PFKP: variants seen among roughly 807,000 people sequenced by gnomAD.
PFKP encodes ATP-dependent 6-phosphofructokinase, platelet type.
In PFKP, 101 loss-of-function variants were observed where a neutral mutation model predicts 94.3. That is an observed-to-expected ratio of 1.07 (90% confidence interval 0.91 to 1.26). PFKP has a LOEUF of 1.26. Among genes scored for constraint, PFKP ranks in the 50% most tolerant of loss-of-function variants. PFKP has a pLI of 0.00. For missense variants in PFKP, 1,145 were observed against 1,103.3 expected, an observed-to-expected ratio of 1.04 and a Z score of -0.53; for synonymous variants, 573 against 432.6, an observed-to-expected ratio of 1.32 and a Z score of -4.03.
At chr10:3,077,934 A>AT (rs1208968471) in intron 1 of PFKP, among the ~76,000 whole-genome samples, 4 of 152,150 alleles carry the variant, frequency 2.6e-5, no homozygotes, top group African/African-American at 9.7e-5. Flanking sequence ...GAAAACTGGG[A>AT]TTTTTGCAAA....
At position 3,101,381 on chromosome 10, in the gene PFKP, G is replaced by T; in HGVS notation, c.281G>T (p.Gly94Val). Residue 94 changes from glycine to valine, a missense_variant, in exon 4 of 22, where the codon GGC (glycine) becomes GTC (valine). Transcript: ENST00000381125. ...SILQVGGTIIGSARCQAFRTR... is the reference protein window; with the variant it reads ...SILQVGGTIIVSARCQAFRTR... ...CTTTCCCAGGGCGGGACGATCATTGGCAGTGCGCGGTGCCAGGCCTTCCGC... is the reference window on the plus strand; with the variant it reads ...CTTTCCCAGGGCGGGACGATCATTGTCAGTGCGCGGTGCCAGGCCTTCCGC... The T allele has an allele frequency of 6.3e-7, 1 of 1,592,228 alleles. No homozygotes were observed. The highest frequency in any genetic ancestry group is 8.6e-7 in the Non-Finnish European group (1 of 1,169,578).
Position 3,113,427 on chromosome 10 carries a change from C to G in PFKP, c.1280C>G (p.Ala427Gly). 6.2e-7 allele frequency: 1 copy of G among 1,606,682 alleles called. No individual in the cohort carries two copies. The highest frequency in any genetic ancestry group is 8.5e-7 in the Non-Finnish European group (1 of 1,175,782). The change falls in exon 13 of 22, where the codon GCA becomes GGA. Residue 427 changes from alanine (A) to glycine (G), a missense_variant. Transcript: ENST00000381125. ...GGGGCACCCGCGGCTGGGATGAACG[C>G]AGCCGTACGCTCAGCTGTGCGCGTG... Reference protein sequence around the residue: ...NVGAPAAGMNAAVRSAVRVGI... With the variant: ...NVGAPAAGMNGAVRSAVRVGI...
At chr10:3,132,592 G>A (rs1371734303) in intron 18 of PFKP, 151 bp downstream of exon 18, 9 of 612,584 alleles carry the variant, frequency 1.5e-5, no homozygotes, top group Non-Finnish European at 2.1e-5. Flanking sequence ...CAGCTGTGGT[G>A]CATTGCTCTA....
intron 14 of PFKP, among the ~76,000 whole-genome samples, chr10:3,118,571 A>G (rs1397421841): frequency 6.6e-6 from 1 of 152,116 alleles, no homozygotes. Flanking sequence ...GCTTTATTCC[A>G]TTTTCTCATG....
chr10:3,122,761 TG>T (rs939354351), intron 16 of PFKP, among the ~76,000 whole-genome samples: 126 of 152,296 alleles, frequency 8.3e-4, no homozygotes, highest in African/African-American at 3.0e-3. Context: ...TGGCTTCTAT[TG>T]TTCAGAAAAT....
intron 2 of PFKP, among the ~76,000 whole-genome samples, chr10:3,096,441 G>A (rs1466501678): frequency 1.3e-5 from 2 of 152,216 alleles, no homozygotes; most frequent in African/African-American, 2.4e-5. Context: ...TGTAGGAACT[G>A]TCTGTTTCAG....
chr10:3,101,728 C>T (rs956874643), intron 4 of PFKP, among the ~76,000 whole-genome samples, 174 bp downstream of exon 4: 1 of 152,208 alleles, frequency 6.6e-6, no homozygotes, highest in African/African-American at 2.4e-5. Context: ...CGTAAGAATG[C>T]TAGTAATTTA....
In PFKP at chr10:3,103,890, C is replaced by G; in HGVS notation, c.566C>G (p.Ser189Cys). Reference sequence around the variant, plus strand: ...ACCGACATGACCATCGGCACGGACTCCGCCCTGCACAGGATCATCGAGGTC... The same window carrying G: ...ACCGACATGACCATCGGCACGGACTGCGCCCTGCACAGGATCATCGAGGTC... ...CGTDMTIGTDSALHRIIEVVD... is the reference protein window; with the variant it reads ...CGTDMTIGTDCALHRIIEVVD... Residue 189 changes from serine to cysteine, a missense_variant, in exon 5 of 22, where the codon TCC becomes TGC. Ser to Cys is a moderately radical substitution (Grantham distance 112, BLOSUM62 -1). Coordinates refer to ENST00000381125, the MANE Select transcript of PFKP (RefSeq NM_002627.5). 1 of 1,613,992 alleles carries G rather than the reference C, an allele frequency of 6.2e-7. No individual in the cohort carries two copies. The highest frequency in any genetic ancestry group is 8.5e-7 in the Non-Finnish European group (1 of 1,180,040).
At chr10:3,102,263 A>AC (rs1835094961) in intron 4 of PFKP, among the ~76,000 whole-genome samples, 1 of 146,836 alleles carries the variant, frequency 6.8e-6, no homozygotes, top group Non-Finnish European at 1.5e-5. Context: ...AAAAAAAAAA[A>AC]AAAAAAAAAA....
At chr10:3,132,219 A>G (rs1838669382) in intron 17 of PFKP, among the ~76,000 whole-genome samples, 161 bp from the exon 18 acceptor site, 2 of 152,068 alleles carry the variant, frequency 1.3e-5, no homozygotes, top group South Asian at 4.1e-4. Context: ...TGTCCTCCCT[A>G]TCTGGGAGGA....
rs746835075 is a variant in PFKP at position 3,113,448 on chromosome 10, G to A, written c.1301G>A (p.Arg434His). ...GMNAAVRSAV[R>H]VGIADGHRML... Reference sequence around the variant, plus strand: ...AACGCAGCCGTACGCTCAGCTGTGCGCGTGGGCATTGCCGACGGCCACAGG... The same window carrying A: ...AACGCAGCCGTACGCTCAGCTGTGCACGTGGGCATTGCCGACGGCCACAGG... Residue 434 changes from arginine to histidine, a missense_variant, in exon 13 of 22, where the codon CGC (arginine) becomes CAC (histidine). Physicochemically the swap from Arg to His is conservative, Grantham distance 29. Around this residue, in one of 3 missense-constraint regions of PFKP, gnomAD observed 1,119 missense variants for 1,062.8 expected, o/e 1.05. Transcript: ENST00000381125. 1.7e-5 allele frequency: 28 copies of A among 1,612,492 alleles called. No homozygotes were observed. Among genetic ancestry groups the A allele is most frequent in the Admixed American group, 3.3e-5 (2 of 59,810 alleles).
chr10:3,068,877 C>A, intron 1 of PFKP: 1 of 210,988 alleles, frequency 4.7e-6, no homozygotes, highest in Non-Finnish European at 8.2e-6. Context: ...TGGAAAGGCC[C>A]GGATGGCGGA....
intron 1 of PFKP, among the ~76,000 whole-genome samples, chr10:3,080,483 C>T (rs563941790): frequency 1.3e-4 from 17 of 135,176 alleles, no homozygotes; most frequent in Middle Eastern, 4.4e-3. Flanking sequence ...CACCACTGCA[C>T]TCCAGCCTGG....
intron 1 of PFKP, among the ~76,000 whole-genome samples, chr10:3,081,331 C>A (rs1401082736): frequency 1.3e-5 from 2 of 152,350 alleles, no homozygotes; most frequent in South Asian, 4.1e-4. Context: ...GTCACAGATG[C>A]CCCTGCAGGA....
chr10:3,134,180 C>CCG lies in PFKP; in HGVS notation c.2023-303_2023-302insCG, dbSNP rs1292117347. Reference sequence around the variant, plus strand: ...ATCCACAACGGTTATCAGATTAAAGCTGTGACCCATCCCCAGCTCAGATGA... The same window carrying CCG: ...ATCCACAACGGTTATCAGATTAAAGCCGTGTGACCCATCCCCAGCTCAGATGA... On this transcript the variant is annotated intron_variant, in intron 19 of 21. Transcript: ENST00000381125. Among the ~76,000 whole-genome samples, 9 of 152,326 alleles carry CCG rather than the reference C, an allele frequency of 5.9e-5. No homozygotes were observed. The East Asian group carries it at 1.7e-3, about 29-fold the overall frequency.
chr10:3,094,738 C>A (rs1387618625), intron 2 of PFKP, among the ~76,000 whole-genome samples: 1 of 152,140 alleles, frequency 6.6e-6, no homozygotes, highest in Admixed American at 6.5e-5. Flanking sequence ...CAAGTCTAAG[C>A]CTAGAGAGCC....
intron 4 of PFKP, among the ~76,000 whole-genome samples, chr10:3,102,131 G>GT (rs1835064302): frequency 6.7e-6 from 1 of 148,242 alleles, no homozygotes; most frequent in African/African-American, 2.5e-5. Flanking sequence ...GGCGCCTGTA[G>GT]TCCCAGCTAC....
intron 2 of PFKP, 137 bp downstream of exon 2, chr10:3,082,598 G>A (rs748729895): frequency 6.0e-6 from 3 of 502,300 alleles, no homozygotes; most frequent in Non-Finnish European, 1.0e-5. Context: ...GATCCTGCCA[G>A]CCAGGGCCGT....
intron 16 of PFKP, among the ~76,000 whole-genome samples, chr10:3,128,823 G>T (rs1838241523): frequency 6.6e-6 from 1 of 152,162 alleles, no homozygotes; most frequent in African/African-American, 2.4e-5. Flanking sequence ...ATTCCTTTGG[G>T]GGCTGCTCTC....
Sources: allele counts gnomAD v4.1 joint callset (sites outside exome capture counted in the v4.1 genomes callset), GRCh38; gene constraint gnomAD v4.1.1; regional missense constraint gnomAD v4.1.1; transcripts MANE v1.5; gene names NCBI Gene and HGNC (gene_info 2026-07-23, HGNC 2026-07-21).